FSTL5: variants seen among roughly 807,000 people sequenced by gnomAD.
The protein encoded by FSTL5 is follistatin like 5.
In FSTL5, 62 loss-of-function variants were observed where a neutral mutation model predicts 89.1. The observed-to-expected ratio is 0.70, with a 90% CI of 0.57 to 0.86. FSTL5 has a LOEUF of 0.86. FSTL5 is among the 40% of genes least tolerant of loss of function. The probability of loss-of-function intolerance (pLI) is 0.00; values close to 1 mark genes in which losing one functional copy is unlikely to be tolerated. For missense variants in FSTL5, 1,057 were observed against 1,001.6 expected (o/e 1.06, Z -0.75); for synonymous variants, 383 against 346.2 (o/e 1.11, Z -1.18).
chr4:161,788,739 T>C (rs1742007223), intron 4 of FSTL5, among the ~76,000 whole-genome samples: 1 of 151,992 alleles, frequency 6.6e-6, no homozygotes, highest in Admixed American at 6.6e-5. Context: ...AAAAATAATA[T>C]TTTAAAAAAT....
chr4:162,023,425 T>C (rs758722947), intron 3 of FSTL5, among the ~76,000 whole-genome samples: 3 of 152,154 alleles, frequency 2.0e-5, no homozygotes, highest in Non-Finnish European at 4.4e-5. Context: ...ACCACACACA[T>C]GTTTTCTCTA....
intron 3 of FSTL5, among the ~76,000 whole-genome samples, chr4:161,970,150 T>G (rs980039923): frequency 6.6e-6 from 1 of 152,004 alleles, no homozygotes; most frequent in African/African-American, 2.4e-5. Flanking sequence ...AAGAGTGAAA[T>G]TAAAGCCTTG....
At position 161,555,140 on chromosome 4, in the gene FSTL5, T is replaced by A. The variant is rs115727109; in HGVS notation, c.1016-12447A>T. 1.8e-3 allele frequency among the ~76,000 whole-genome samples: 276 copies of A among 151,642 alleles called. 2 individuals carry two copies. The highest frequency in any genetic ancestry group is 6.0e-3 in the African/African-American group (248 of 41,490). ...ACATTCTTAGGGTCATAAACTTCGG[T>A]GAGTTTTTTTAATTGGGTCTTCCTA... On this transcript the variant is annotated intron_variant, in intron 8 of 15. Transcript: ENST00000306100.
chr4:161,564,072 A>G (rs1189050294), intron 8 of FSTL5, among the ~76,000 whole-genome samples: 1 of 151,886 alleles, frequency 6.6e-6, no homozygotes, highest in Non-Finnish European at 1.5e-5. Flanking sequence ...TTTTATAAAC[A>G]TTTGATATTA....
At chr4:161,743,490 C>T (rs551704918) in intron 6 of FSTL5, among the ~76,000 whole-genome samples, 11 of 152,184 alleles carry the variant, frequency 7.2e-5, no homozygotes, top group African/African-American at 2.6e-4. Flanking sequence ...ACATCCCCTC[C>T]ATCTTTGCTT....
At position 161,768,790 on chromosome 4, in the gene FSTL5, G is replaced by A. The variant is rs573038954; in HGVS notation, c.606+7088C>T. Among the ~76,000 whole-genome samples the A allele has an allele frequency of 3.3e-5, 5 of 149,460 alleles. No homozygotes were observed. In the South Asian group the frequency reaches 8.4e-4, roughly 25 times the overall value. Reference sequence around the variant, plus strand: ...CTTAAAGAACTTAATGAATCTCAAGGAAAAGTAAAAGCCAACCAAACCCAA... The same window carrying A: ...CTTAAAGAACTTAATGAATCTCAAGAAAAAGTAAAAGCCAACCAAACCCAA... On this transcript the variant is annotated intron_variant, in intron 5 of 15. Coordinates refer to ENST00000306100, the MANE Select transcript of FSTL5 (RefSeq NM_020116.5).
At chr4:161,447,970 G>A (rs966848726) in intron 15 of FSTL5, among the ~76,000 whole-genome samples, 1 of 152,072 alleles carries the variant, frequency 6.6e-6, no homozygotes, top group Non-Finnish European at 1.5e-5. Flanking sequence ...TGAGATAATA[G>A]GTTCTGAAAA....
At position 161,733,155 on chromosome 4, in the gene FSTL5, C is replaced by G. The variant is rs1251038385; in HGVS notation, c.727+26256G>C. Among the ~76,000 whole-genome samples the G allele has an allele frequency of 2.0e-5, 3 of 151,834 alleles. No homozygotes were observed. The East Asian group carries it at 5.8e-4, about 29-fold the overall frequency. ...TCCATTTGTTTCTTCTTTAATTTCT[C>G]TCATAAAAATTGGCCTTTGTATTGC... On this transcript the variant is annotated intron_variant, in intron 6 of 15. Transcript: ENST00000306100.
chr4:161,902,297 G>T (rs1162601457), intron 4 of FSTL5, among the ~76,000 whole-genome samples: 1 of 152,088 alleles, frequency 6.6e-6, no homozygotes, highest in Non-Finnish European at 1.5e-5. Context: ...GAATCCCACT[G>T]ACATGATTTT....
chr4:161,673,918 G>C (rs1018985960), intron 6 of FSTL5, among the ~76,000 whole-genome samples: 2 of 151,780 alleles, frequency 1.3e-5, no homozygotes, highest in African/African-American at 4.8e-5. Context: ...CAATAAAAAA[G>C]CATTCAAAAC....
intron 6 of FSTL5, among the ~76,000 whole-genome samples, chr4:161,707,218 T>G (rs939553034): frequency 2.0e-5 from 3 of 151,932 alleles, no homozygotes; most frequent in Admixed American, 6.6e-5. Context: ...AGCATTCACT[T>G]TTAAAACAAA....
intron 1 of FSTL5, among the ~76,000 whole-genome samples, chr4:162,122,497 C>A (rs1221634714): frequency 1.3e-5 from 2 of 152,008 alleles, no homozygotes; most frequent in African/African-American, 2.4e-5. Flanking sequence ...CCTTTTCTCA[C>A]CTGCTCTCTT....
intron 4 of FSTL5, among the ~76,000 whole-genome samples, chr4:161,915,234 A>G (rs1381051971): frequency 6.6e-6 from 1 of 152,008 alleles, no homozygotes; most frequent in African/African-American, 2.4e-5. Context: ...ATAATACTCA[A>G]TTTGTTATTA....
At chr4:161,499,713 A>G (rs1730228166) in intron 12 of FSTL5, among the ~76,000 whole-genome samples, 1 of 152,112 alleles carries the variant, frequency 6.6e-6, no homozygotes, top group Non-Finnish European at 1.5e-5. Flanking sequence ...GAGGTATTCT[A>G]AATTGGAGAG....
Position 161,977,612 on chromosome 4 carries a change from CAAAAAAAAAAAAA to C in FSTL5, c.160+56000_160+56012del, listed in dbSNP as rs796909244. Among the ~76,000 whole-genome samples, 782 of 95,130 alleles carry C rather than the reference CAAAAAAAAAAAAA, an allele frequency of 8.2e-3. 16 individuals carry two copies. Among genetic ancestry groups the C allele is most frequent in the African/African-American group, 0.028 (729 of 25,616 alleles). 62.4% of individuals were successfully genotyped at this position (95,130 alleles called of 152,430 possible). A position where few individuals can be genotyped will look rare whatever the true frequency, so the allele number is the denominator to read the frequency against. On this transcript the variant is annotated intron_variant, in intron 3 of 15. Transcript: ENST00000306100. ...TGGGCGACACAGCGAGACTCCGTGT[CAAAAAAAAAAAAA>C]AAAAAAAAAAAAAAAATAATAATAA...
At chr4:161,880,833 G>A (rs146311806) in intron 4 of FSTL5, among the ~76,000 whole-genome samples, 129 of 152,190 alleles carry the variant, frequency 8.5e-4, no homozygotes, top group African/African-American at 2.8e-3. Context: ...ATGACTTCTG[G>A]AGAAGGCAAA....
intron 15 of FSTL5, among the ~76,000 whole-genome samples, chr4:161,394,019 C>A (rs1730915985): frequency 6.6e-6 from 1 of 152,080 alleles, no homozygotes; most frequent in Non-Finnish European, 1.5e-5. Context: ...AGTTCCTTAG[C>A]TAAAGAGTGT....
intron 7 of FSTL5, among the ~76,000 whole-genome samples, chr4:161,596,481 TA>T (rs1273611197): frequency 6.6e-6 from 1 of 151,828 alleles, no homozygotes; most frequent in Non-Finnish European, 1.5e-5. Flanking sequence ...AAATGTAAAA[TA>T]ATTTAATTAT....
intron 1 of FSTL5, among the ~76,000 whole-genome samples, chr4:162,134,728 G>A (rs1156445547): frequency 1.3e-5 from 2 of 152,124 alleles, no homozygotes; most frequent in Non-Finnish European, 2.9e-5. Flanking sequence ...TTAATAGAAT[G>A]GAATCATGGC....
Sources: allele counts gnomAD v4.1 joint callset (sites outside exome capture counted in the v4.1 genomes callset), GRCh38; gene constraint gnomAD v4.1.1; transcripts MANE v1.5; gene names NCBI Gene and HGNC (gene_info 2026-07-23, HGNC 2026-07-21).